Variants in SLC24A2 observed in about 807,000 individuals in gnomAD.
SLC24A2 encodes solute carrier family 24 member 2, also known as sodium/potassium/calcium exchanger 2.
Under a neutral mutation model 62.0 loss-of-function variants are expected in SLC24A2, and 36 were observed. The ratio of observed to expected loss-of-function variants is 0.58; its 90% CI spans 0.44 to 0.77. The LOEUF is 0.77. Ranked by LOEUF, SLC24A2 falls within the 30% of genes least tolerant of loss-of-function variation. The pLI, the probability that SLC24A2 is intolerant of heterozygous loss-of-function variation, is 0.00. For missense variants in SLC24A2, 846 were observed against 817.9 expected (o/e 1.03, Z -0.42); for synonymous variants, 358 against 294.0 (o/e 1.22, Z -2.23).
chr9:20,279,789 T>C, the SLC24A2 span, among the ~76,000 whole-genome samples: 1 of 152,196 alleles, frequency 6.6e-6, no homozygotes, highest in Non-Finnish European at 1.5e-5. Context: ...TCATTTCACC[T>C]CCACCATTAA....
intron 4 of SLC24A2, among the ~76,000 whole-genome samples, chr9:19,607,718 CAA>C (rs769291086): frequency 0.024 from 1,581 of 67,152 alleles, 15 homozygotes; most frequent in African/African-American, 0.071. Context: ...GACTCTGTCT[CAA>C]AAAAAAAAAA....
chr9:20,083,793 T>C, the SLC24A2 span, among the ~76,000 whole-genome samples: 1 of 152,214 alleles, frequency 6.6e-6, no homozygotes, highest in South Asian at 2.1e-4. Flanking sequence ...TAGAGCCTGA[T>C]ATAAATTGGC....
chr9:20,290,566 G>A, the SLC24A2 span, among the ~76,000 whole-genome samples: 10 of 152,214 alleles, frequency 6.6e-5, no homozygotes, highest in Non-Finnish European at 1.5e-4. Flanking sequence ...AAAGCTTAGC[G>A]CTTTAGCGGC....
the SLC24A2 span, among the ~76,000 whole-genome samples, chr9:19,795,351 C>G: frequency 3.3e-5 from 5 of 150,096 alleles, no homozygotes; most frequent in African/African-American, 1.2e-4. Context: ...CCAAATTGGC[C>G]TTTCTTAGTA....
At chr9:20,214,868 G>A in the SLC24A2 span, among the ~76,000 whole-genome samples, 1 of 152,114 alleles carries the variant, frequency 6.6e-6, no homozygotes, top group Admixed American at 6.5e-5. Flanking sequence ...TGAGAACACT[G>A]GGAGTAACCA....
chr9:19,837,941 A>T, the SLC24A2 span, among the ~76,000 whole-genome samples: 1 of 151,994 alleles, frequency 6.6e-6, no homozygotes, highest in Admixed American at 6.6e-5. Context: ...ATGGAAGAAC[A>T]TTCCATGCTC....
the SLC24A2 span, among the ~76,000 whole-genome samples, chr9:19,953,559 T>A: frequency 1.3e-5 from 2 of 151,978 alleles, no homozygotes; most frequent in Admixed American, 6.6e-5. Context: ...GAAAACCTAG[T>A]GTCTCAGTTT....
chr9:20,113,012 T>C, the SLC24A2 span, among the ~76,000 whole-genome samples: 1 of 152,274 alleles, frequency 6.6e-6, no homozygotes, highest in African/African-American at 2.4e-5. Context: ...TGTGGCTCTA[T>C]TACATTAGCT....
At chr9:20,118,408 A>G in the SLC24A2 span, among the ~76,000 whole-genome samples, 1 of 152,110 alleles carries the variant, frequency 6.6e-6, no homozygotes, top group African/African-American at 2.4e-5. Context: ...ATTATGAAAG[A>G]CGAATAAAAA....
intron 1 of SLC24A2, among the ~76,000 whole-genome samples, chr9:19,788,320 G>C (rs112689383): frequency 0.032 from 4,921 of 152,230 alleles, 245 homozygotes; most frequent in African/African-American, 0.11. Context: ...TGCCCGGCCC[G>C]GGCGACCAGC....
At chr9:19,777,463 T>C (rs1294383085) in intron 2 of SLC24A2, among the ~76,000 whole-genome samples, 1 of 152,226 alleles carries the variant, frequency 6.6e-6, no homozygotes, top group African/African-American at 2.4e-5. Flanking sequence ...GTAAAGCTAT[T>C]TGTTGTAGTA....
At chr9:20,033,723 A>G in the SLC24A2 span, among the ~76,000 whole-genome samples, 3 of 152,192 alleles carry the variant, frequency 2.0e-5, no homozygotes, top group African/African-American at 4.8e-5. Context: ...AAGTTACCCT[A>G]TGTGGTCTAA....
chr9:20,266,154 T>C, the SLC24A2 span, among the ~76,000 whole-genome samples: 1 of 152,190 alleles, frequency 6.6e-6, no homozygotes, highest in African/African-American at 2.4e-5. Flanking sequence ...TCTATTACCT[T>C]GTAAAGCATG....
the SLC24A2 span, among the ~76,000 whole-genome samples, chr9:20,110,051 T>G: frequency 1.3e-5 from 2 of 152,170 alleles, no homozygotes; most frequent in South Asian, 2.1e-4. Flanking sequence ...AGCTTTCTAT[T>G]TCAACGTCAA....
intron 2 of SLC24A2, among the ~76,000 whole-genome samples, chr9:19,667,683 C>G (rs1175987086): frequency 6.6e-6 from 1 of 152,120 alleles, no homozygotes; most frequent in Non-Finnish European, 1.5e-5. Flanking sequence ...GGGTCAGCTC[C>G]CTGGAATGGC....
chr9:19,857,667 T>G, the SLC24A2 span, among the ~76,000 whole-genome samples: 1 of 152,190 alleles, frequency 6.6e-6, no homozygotes, highest in Non-Finnish European at 1.5e-5. Context: ...AGATTGTTGC[T>G]AGTGTATGGA....
intron 4 of SLC24A2, among the ~76,000 whole-genome samples, chr9:19,608,785 CACACACAT>C (rs1373918292): frequency 1.3e-5 from 2 of 151,184 alleles, no homozygotes; most frequent in African/African-American, 2.5e-5. Flanking sequence ...CTCTCACACA[CACACACAT>C]ACACACACAC....
At chr9:19,842,412 T>C in the SLC24A2 span, among the ~76,000 whole-genome samples, 1 of 152,174 alleles carries the variant, frequency 6.6e-6, no homozygotes, top group South Asian at 2.1e-4. Context: ...GAGACAACAC[T>C]TGAAAAGAAT....
chr9:20,149,549 C>T, the SLC24A2 span, among the ~76,000 whole-genome samples: 2 of 151,786 alleles, frequency 1.3e-5, no homozygotes, highest in Non-Finnish European at 2.9e-5. Context: ...TCCATTGTGG[C>T]TGCTCAATTT....
Sources: gnomAD v4.1 joint callset for allele counts (sites outside exome capture counted in the v4.1 genomes callset) on GRCh38, gnomAD v4.1.1 for gene constraint, MANE v1.5 for transcripts, NCBI Gene and HGNC (gene_info 2026-07-23, HGNC 2026-07-21) for gene names.